Variants in ITGB3BP observed in about 807,000 individuals in gnomAD.
ITGB3BP encodes the protein centromere protein R.
A neutral mutation model predicts 29.1 loss-of-function variants in ITGB3BP; 27 were observed. That is an observed-to-expected ratio of 0.93 (90% CI 0.68 to 1.28). ITGB3BP has a LOEUF of 1.28. Ranked by LOEUF, ITGB3BP falls within the 50% of genes most tolerant of loss-of-function variation. The pLI, the probability that ITGB3BP is intolerant of heterozygous loss-of-function variation, is 0.00. For missense variants in ITGB3BP, 192 were observed against 200.2 expected (o/e 0.96, Z 0.25); for synonymous variants, 61 against 61.4 (o/e 0.99, Z 0.03).
At chr1:63,520,047 C>T (rs991313562) in intron 1 of ITGB3BP, among the ~76,000 whole-genome samples, 1 of 151,904 alleles carries the variant, frequency 6.6e-6, no homozygotes, top group Non-Finnish European at 1.5e-5. Context: ...ATGATGTACA[C>T]TAATTAGCAA....
At chr1:63,490,880 T>C (rs572733695) in intron 2 of ITGB3BP, among the ~76,000 whole-genome samples, 6 of 152,326 alleles carry the variant, frequency 3.9e-5, no homozygotes, top group Non-Finnish European at 7.4e-5. Flanking sequence ...AATATTATCT[T>C]TTCATCTTTA....
intron 4 of ITGB3BP, among the ~76,000 whole-genome samples, chr1:63,462,548 A>G (rs1645034040): frequency 6.6e-6 from 1 of 152,198 alleles, no homozygotes. Flanking sequence ...TTTGCTCCTG[A>G]TCTTTAGGGG....
At chr1:63,513,524 A>G (rs1241034433) in intron 1 of ITGB3BP, among the ~76,000 whole-genome samples, 9 of 152,170 alleles carry the variant, frequency 5.9e-5, no homozygotes, top group East Asian at 1.9e-4. Context: ...TTAGTGGACA[A>G]TGGTATTTAG....
intron 2 of ITGB3BP, among the ~76,000 whole-genome samples, chr1:63,502,401 T>C (rs545777036): frequency 2.0e-5 from 3 of 152,102 alleles, no homozygotes; most frequent in Non-Finnish European, 4.4e-5. Context: ...TCTGTTTTCA[T>C]GCTGCTGATA....
chr1:63,443,696 T>C (rs1169190759), intron 8 of ITGB3BP, among the ~76,000 whole-genome samples: 1 of 151,672 alleles, frequency 6.6e-6, no homozygotes, highest in African/African-American at 2.4e-5. Flanking sequence ...GGAAGAGAGG[T>C]AATGGAGAAA....
At chr1:63,488,002 G>T (rs148115684) in intron 3 of ITGB3BP, among the ~76,000 whole-genome samples, 1 of 152,082 alleles carries the variant, frequency 6.6e-6, no homozygotes. Context: ...CTGCATGAAC[G>T]CATCTGTTAA....
chr1:63,522,582 A>G (rs1646478668), intron 1 of ITGB3BP, among the ~76,000 whole-genome samples: 1 of 152,174 alleles, frequency 6.6e-6, no homozygotes. Flanking sequence ...ATTCTCAATA[A>G]TCAGATTATT....
At chr1:63,514,284 T>C (rs1443941189) in intron 1 of ITGB3BP, among the ~76,000 whole-genome samples, 2 of 152,222 alleles carry the variant, frequency 1.3e-5, no homozygotes, top group Non-Finnish European at 2.9e-5. Context: ...TTGGTTTTAG[T>C]TTTTAGCCAT....
At chr1:63,524,776 G>A (rs1051039099), upstream of ITGB3BP, among the ~76,000 whole-genome samples, 1 of 152,038 alleles carries the variant, frequency 6.6e-6, no homozygotes, top group Non-Finnish European at 1.5e-5. Flanking sequence ...GGGTGACATT[G>A]CTACCCCTCA....
Position 63,454,081 on chromosome 1 carries a change from ATATT to A in ITGB3BP, c.428-111_428-108del, listed in dbSNP as rs1301167790. On this transcript the variant is annotated intron_variant, in intron 6 of 8. Transcript: ENST00000271002. The surrounding 1 kb of genome is among the most constrained non-coding windows in gnomAD (Gnocchi z 4.1). Reference sequence around the variant, plus strand: ...AGAAAAAAATAATTCAAAATAATACATATTTATAAGTACCAAATATAAAATATAA... The same window carrying A: ...AGAAAAAAATAATTCAAAATAATACATATAAGTACCAAATATAAAATATAA... The A allele has an allele frequency of 1.2e-5, 7 of 600,742 alleles. No individual in the cohort carries two copies. Among genetic ancestry groups the A allele is most frequent in the Non-Finnish European group, 2.0e-5 (7 of 348,462 alleles). 37.2% of individuals were successfully genotyped at this position (600,742 alleles called of 1,614,324 possible). A position where few individuals can be genotyped will look rare whatever the true frequency, so the allele number is the denominator to read the frequency against.
intron 2 of ITGB3BP, among the ~76,000 whole-genome samples, chr1:63,502,308 G>A (rs1645951313): frequency 6.6e-6 from 1 of 152,066 alleles, no homozygotes; most frequent in Admixed American, 6.6e-5. Context: ...TTGTGGTACT[G>A]GCAGTATACA....
Position 63,454,720 on chromosome 1 carries a change from T to C in ITGB3BP, c.333+170A>G, listed in dbSNP as rs779904385. Among the ~76,000 whole-genome samples, 2 of 152,102 alleles carry C rather than the reference T, an allele frequency of 1.3e-5. No homozygotes were observed. Among genetic ancestry groups the C allele is most frequent in the Non-Finnish European group, 2.9e-5 (2 of 68,012 alleles). On this transcript the variant is annotated intron_variant, in intron 5 of 8. Coordinates refer to ENST00000271002, the MANE Select transcript of ITGB3BP (RefSeq NM_014288.5). The surrounding 1 kb of genome is among the most constrained non-coding windows in gnomAD (Gnocchi z 4.1). Reference sequence around the variant, plus strand: ...TGTTTAAATGTGAAAAGCAAGATATTACTAAAATATTATGGTTAAATAGTG... The same window carrying C: ...TGTTTAAATGTGAAAAGCAAGATATCACTAAAATATTATGGTTAAATAGTG...
intron 4 of ITGB3BP, among the ~76,000 whole-genome samples, chr1:63,461,150 A>G (rs1329925543): frequency 6.7e-6 from 1 of 148,948 alleles, no homozygotes; most frequent in Non-Finnish European, 1.5e-5. Context: ...GCTATTCAGC[A>G]GGCTGAGGCC....
In ITGB3BP at chr1:63,493,088, A is replaced by ACACACG. The variant is rs372348238; in HGVS notation, c.49-2871_49-2870insCGTGTG. On this transcript the variant is annotated intron_variant, in intron 2 of 8. Transcript: ENST00000271002. ...GATCACACCACACACACACACACAC[A>ACACACG]CGCGCGCGCGCGCAAGAAAATAGAT... Among the ~76,000 whole-genome samples the ACACACG allele has an allele frequency of 7.4e-3, 1,107 of 148,834 alleles. 12 individuals carry two copies. Among genetic ancestry groups the ACACACG allele is most frequent in the African/African-American group, 0.026 (1,014 of 39,418 alleles).
intron 4 of ITGB3BP, among the ~76,000 whole-genome samples, chr1:63,473,341 G>C (rs1171475058): frequency 1.3e-5 from 2 of 151,138 alleles, no homozygotes; most frequent in Non-Finnish European, 3.0e-5. Context: ...CCGGGAGGGA[G>C]GTGGCGGGGG....
intron 4 of ITGB3BP, among the ~76,000 whole-genome samples, chr1:63,468,862 A>AAATAAATAAAT (rs1645144443): frequency 7.2e-6 from 1 of 139,304 alleles, no homozygotes; most frequent in Non-Finnish European, 1.5e-5. Context: ...ACTCTGTCTC[A>AAATAAATAAAT]AAATAAATAA....
At chr1:63,523,422 C>G (rs942802051), upstream of ITGB3BP, 14 of 516,664 alleles carry the variant, frequency 2.7e-5, no homozygotes, top group African/African-American at 2.7e-4. Context: ...GATAGAGGAG[C>G]AACACAGCTG....
intron 4 of ITGB3BP, among the ~76,000 whole-genome samples, chr1:63,466,555 ATTC>A (rs1645103386): frequency 1.3e-5 from 2 of 152,258 alleles, no homozygotes; most frequent in South Asian, 4.1e-4. Context: ...TAGTTTCAGT[ATTC>A]TTCTTTTAAA....
intron 2 of ITGB3BP, among the ~76,000 whole-genome samples, chr1:63,500,243 T>C (rs1645892324): frequency 6.6e-6 from 1 of 152,034 alleles, no homozygotes; most frequent in African/African-American, 2.4e-5. Context: ...CTGGGCGTGG[T>C]TGTGTGCACC....
Sources: gnomAD v4.1 joint callset for allele counts (sites outside exome capture counted in the v4.1 genomes callset) on GRCh38, gnomAD v4.1.1 for gene constraint, Gnocchi (gnomAD v3.1) non-coding constraint, MANE v1.5 for transcripts, NCBI Gene and HGNC (gene_info 2026-07-23, HGNC 2026-07-21) for gene names.